The following SEMA3D variants were observed in gnomAD, a reference collection of about 807,000 sequenced individuals.
SEMA3D encodes the protein semaphorin-3D.
SEMA3D carries 84 observed loss-of-function variants against 100.1 expected under a neutral mutation model. That is an observed-to-expected ratio of 0.84 (90% confidence interval 0.70 to 1.01). The LOEUF (loss-of-function observed/expected upper bound fraction) is 1.01, where lower values mean the gene tolerates loss of function less well. Ranked by LOEUF, SEMA3D falls within the 50% of genes least tolerant of loss-of-function variation. The pLI is 0.00. For missense variants in SEMA3D, 875 were observed against 934.1 expected, an observed-to-expected ratio of 0.94 and a Z score of 0.82; for synonymous variants, 312 against 320.7, an observed-to-expected ratio of 0.97 and a Z score of 0.29.
rs1011740984 is a variant in SEMA3D, at chr7:85,159,928, C to T, written c.-172-6189G>A. 4.1e-6 allele frequency: 4 copies of T among 984,642 alleles called. No homozygotes were observed. The East Asian group carries it at 4.5e-4, about 112-fold the overall frequency. The allele number at this position is 984,642 out of a possible 1,614,324, so 61.0% of individuals were successfully genotyped here. On this transcript the variant is annotated intron_variant, in intron 1 of 18. Coordinates refer to ENST00000284136, the MANE Select transcript of SEMA3D (RefSeq NM_001384900.1). ...AGGAAGTGAAGGAAGAGAGAATGAC[C>T]AACTAGTGTTCAAGAAACACAAGCC...
At chr7:85,158,649 A>G (rs1021971911) in intron 1 of SEMA3D, among the ~76,000 whole-genome samples, 14 of 152,010 alleles carry the variant, frequency 9.2e-5, no homozygotes, top group African/African-American at 3.4e-4. Context: ...GATCTCTGTG[A>G]CTCACACCCT....
intron 17 of SEMA3D, among the ~76,000 whole-genome samples, chr7:85,010,198 A>C (rs1302985723): frequency 1.3e-5 from 2 of 151,772 alleles, no homozygotes; most frequent in Non-Finnish European, 2.9e-5. Context: ...GAAAAAGAGA[A>C]AGCTACTAAG....
the SEMA3D span, among the ~76,000 whole-genome samples, chr7:85,216,568 C>T: frequency 5.9e-5 from 9 of 151,712 alleles, no homozygotes; most frequent in African/African-American, 2.2e-4. Flanking sequence ...TGCAAGATGG[C>T]AAAGAACACA....
At chr7:85,041,398 C>A (rs1790860191) in intron 10 of SEMA3D, 1 of 151,814 alleles carries the variant, frequency 6.6e-6, no homozygotes, top group Non-Finnish European at 1.5e-5. Flanking sequence ...AAATAGCTAC[C>A]CCCAAATTAG....
At chr7:85,094,473 T>A (rs1788490567) in intron 4 of SEMA3D, among the ~76,000 whole-genome samples, 1 of 151,986 alleles carries the variant, frequency 6.6e-6, no homozygotes, top group South Asian at 2.1e-4. Flanking sequence ...AGCTGAGGCT[T>A]TTGCTGGGGC....
rs1790161255 is a variant in SEMA3D, at chr7:85,018,312, T to A, written c.1504-19A>T. The A allele has an allele frequency of 6.6e-7, 1 of 1,523,536 alleles. No individual in the cohort carries two copies. Among genetic ancestry groups the A allele is most frequent in the African/African-American group, 1.4e-5 (1 of 72,942 alleles). The allele number at this position is 1,523,536 out of a possible 1,614,324, so 94.4% of individuals were successfully genotyped here. On this transcript the variant is annotated intron_variant, in intron 14 of 18. Transcript: ENST00000284136. ...ATGAGTGCTGAAAATAGAAGTTAAA[T>A]GTCAATAAAGATAATCATTAACAGG...
At chr7:85,119,483 A>G (rs1434314363) in intron 3 of SEMA3D, among the ~76,000 whole-genome samples, 1 of 152,164 alleles carries the variant, frequency 6.6e-6, no homozygotes, top group Non-Finnish European at 1.5e-5. Flanking sequence ...ATAGAACTGG[A>G]GGCCATTATC....
At chr7:85,098,050 AGAAAG>A (rs1378043742) in intron 3 of SEMA3D, 85 bp from the exon 4 acceptor site, 103 of 726,808 alleles carry the variant, frequency 1.4e-4, no homozygotes, top group Non-Finnish European at 1.5e-5. Context: ...AGAAAGAAAA[AGAAAG>A]GAAAGAGAGA....
chr7:85,243,073 C>G, the SEMA3D span, among the ~76,000 whole-genome samples: 4 of 152,284 alleles, frequency 2.6e-5, no homozygotes, highest in South Asian at 2.1e-4. Context: ...TTCAGTCCCC[C>G]ACACCACCAA....
Position 85,065,440 on chromosome 7 carries a change from C to G in SEMA3D, c.702G>C (p.Glu234Asp). 6.2e-7 allele frequency: 1 copy of G among 1,613,294 alleles called. No homozygotes were observed. Residue 234 changes from glutamate to aspartate, a missense_variant, in exon 8 of 19, where the codon GAG becomes GAC. Transcript: ENST00000284136. ...ATCACAAACCATTGAGCCAGTAGTG[C>G]TCTGAAATGTCAGTTCTGATGTAGT... ...DHHYIRTDIS[E>D]HYWLNGAKFI...
intron 9 of SEMA3D, among the ~76,000 whole-genome samples, chr7:85,045,305 G>C (rs1288644499): frequency 1.3e-5 from 2 of 151,928 alleles, no homozygotes; most frequent in African/African-American, 4.8e-5. Context: ...GTAAGATCAA[G>C]GAAAGCTTTA....
At chr7:85,039,322 A>G (rs1016371643) in intron 11 of SEMA3D, among the ~76,000 whole-genome samples, 1 of 152,140 alleles carries the variant, frequency 6.6e-6, no homozygotes, top group East Asian at 1.9e-4. Flanking sequence ...GCTGGAGTGC[A>G]ATGGCACAAC....
At chr7:85,223,537 T>G in the SEMA3D span, among the ~76,000 whole-genome samples, 6 of 151,526 alleles carry the variant, frequency 4.0e-5, no homozygotes, top group African/African-American at 1.5e-4. Context: ...ATATCATATA[T>G]TTGTGTGTGT....
At chr7:85,110,773 C>G (rs1400381777) in intron 3 of SEMA3D, among the ~76,000 whole-genome samples, 1 of 151,972 alleles carries the variant, frequency 6.6e-6, no homozygotes, top group East Asian at 1.9e-4. Flanking sequence ...TGCATTAAAA[C>G]AAGTCTCTTG....
chr7:85,048,695 T>C (rs1024027569), intron 9 of SEMA3D, among the ~76,000 whole-genome samples: 3 of 151,838 alleles, frequency 2.0e-5, no homozygotes, highest in South Asian at 2.1e-4. Flanking sequence ...ACCTGGTTCA[T>C]TGGGATTTTT....
At chr7:85,141,405 A>T (rs963401316) in intron 2 of SEMA3D, 14 of 984,212 alleles carry the variant, frequency 1.4e-5, no homozygotes, top group Non-Finnish European at 1.6e-5. Flanking sequence ...AAAATTAATC[A>T]TTGTACTATT....
chr7:85,224,491 T>A, the SEMA3D span, among the ~76,000 whole-genome samples: 49,179 of 152,016 alleles, frequency 0.32, 9,042 homozygotes, highest in East Asian at 0.69. Context: ...ATTCACCTAA[T>A]GGAATTTATT....
chr7:85,027,388 G>C (rs1053465152), intron 12 of SEMA3D, among the ~76,000 whole-genome samples: 1 of 151,956 alleles, frequency 6.6e-6, no homozygotes, highest in African/African-American at 2.4e-5. Context: ...AGCAAAGAGA[G>C]GAAATTTTTA....
intron 13 of SEMA3D, among the ~76,000 whole-genome samples, chr7:85,020,932 A>G (rs1200707176): frequency 1.3e-5 from 2 of 151,620 alleles, no homozygotes; most frequent in African/African-American, 2.4e-5. Flanking sequence ...GATAATGCAA[A>G]CCAAAAATTG....
Sources: gnomAD v4.1 joint callset for allele counts (sites outside exome capture counted in the v4.1 genomes callset) on GRCh38, gnomAD v4.1.1 for gene constraint, MANE v1.5 for transcripts, NCBI Gene and HGNC (gene_info 2026-07-23, HGNC 2026-07-21) for gene names.